Variants in EYA2 observed in about 807,000 individuals in gnomAD.
EYA2 encodes EYA transcriptional coactivator and phosphatase 2, also known as protein phosphatase EYA2.
Under a neutral mutation model 69.2 loss-of-function variants are expected in EYA2, and 31 were observed. The observed-to-expected ratio is 0.45, with a 90% CI of 0.34 to 0.60. The LOEUF is 0.60. Among genes scored for constraint, EYA2 ranks in the 20% least tolerant of loss-of-function variants. EYA2 has a pLI of 0.02. For missense variants in EYA2, 622 were observed against 701.2 expected (o/e 0.89, Z 1.28); for synonymous variants, 257 against 279.4 (o/e 0.92, Z 0.80).
chr20:47,152,564 C>A (rs1449367526), intron 10 of EYA2, among the ~76,000 whole-genome samples: 20 of 151,900 alleles, frequency 1.3e-4, no homozygotes. Context: ...GTAATCCCAG[C>A]ACTTTGGGAG....
In EYA2 at chr20:47,072,108, A is replaced by G. The variant is rs1600687127; in HGVS notation, c.416-77A>G. The G allele has an allele frequency of 3.7e-6, 5 of 1,355,538 alleles. No homozygotes were observed. The East Asian group carries it at 9.2e-5, about 25-fold the overall frequency. 84.0% of individuals were successfully genotyped at this position (1,355,538 alleles called of 1,614,324 possible). ...CTTGAAGCCACATGGAGGGAGGTTC[A>G]TGAAATGCTAACAACTGCTTTAAAG... On this transcript the variant is annotated intron_variant, in intron 5 of 15. Transcript: ENST00000327619.
rs564998142 is a variant in EYA2 at position 47,076,548 on chromosome 20, G to A, written c.661+2213G>A. On this transcript the variant is annotated intron_variant, in intron 7 of 15. Transcript: ENST00000327619. ...TGTCCTTTGCCCATTTTTTAATCGG[G>A]TTATCTTTAAGGATGTTTGTTTCTG... Among the ~76,000 whole-genome samples the A allele has an allele frequency of 2.6e-5, 4 of 152,140 alleles. No homozygotes were observed. The South Asian group carries it at 6.2e-4, about 24-fold the overall frequency.
chr20:47,124,544 C>T (rs1166468923), intron 9 of EYA2, among the ~76,000 whole-genome samples: 1 of 152,128 alleles, frequency 6.6e-6, no homozygotes, highest in African/African-American at 2.4e-5. Flanking sequence ...ACTTGCTGGG[C>T]ATCAAACCCT....
chr20:46,931,895 A>G (rs1383818643), intron 1 of EYA2, among the ~76,000 whole-genome samples: 6 of 151,588 alleles, frequency 4.0e-5, no homozygotes, highest in African/African-American at 1.2e-4. Flanking sequence ...GAATTATGGA[A>G]CTGTCTTTGC....
At chr20:47,183,864 C>G (rs2034585431) in intron 15 of EYA2, among the ~76,000 whole-genome samples, 1 of 152,166 alleles carries the variant, frequency 6.6e-6, no homozygotes, top group Non-Finnish European at 1.5e-5. Flanking sequence ...AAAGAAACAG[C>G]TGCCAAAGTC....
chr20:46,930,582 A>T (rs1409115289), intron 1 of EYA2, among the ~76,000 whole-genome samples: 1 of 152,102 alleles, frequency 6.6e-6, no homozygotes, highest in Non-Finnish European at 1.5e-5. Flanking sequence ...CCAGAAGATA[A>T]CTGGAAGAGA....
At chr20:47,149,979 G>C (rs2033791461) in intron 10 of EYA2, among the ~76,000 whole-genome samples, 1 of 152,260 alleles carries the variant, frequency 6.6e-6, no homozygotes, top group African/African-American at 2.4e-5. Flanking sequence ...GTCAATGTCA[G>C]GGTGTCCTCT....
rs937621496 is a variant in EYA2 at position 46,958,689 on chromosome 20, C to T, written c.-10-31312C>T. On this transcript the variant is annotated intron_variant, in intron 1 of 15. Transcript: ENST00000327619. ...GTTATTTTTCCTGAGCCTCTCCCAC[C>T]TCCCACCACCACCCTCCAATAGGCT... Among the ~76,000 whole-genome samples, 16 of 152,278 alleles carry T rather than the reference C, an allele frequency of 1.1e-4. No homozygotes were observed. In the East Asian group the frequency reaches 2.9e-3, roughly 28 times the overall value.
At chr20:47,120,034 CCGT>C (rs1443970500) in intron 9 of EYA2, among the ~76,000 whole-genome samples, 2 of 152,202 alleles carry the variant, frequency 1.3e-5, no homozygotes, top group African/African-American at 4.8e-5. Context: ...TGGTGAAACC[CCGT>C]CTATACTAAA....
chr20:47,063,712 C>T (rs530658656), intron 5 of EYA2, among the ~76,000 whole-genome samples: 5 of 152,162 alleles, frequency 3.3e-5, no homozygotes, highest in South Asian at 2.1e-4. Flanking sequence ...CCAGACTGGC[C>T]GTGGGCCAAG....
chr20:47,142,618 T>C (rs1280480624), intron 9 of EYA2, among the ~76,000 whole-genome samples: 1 of 152,240 alleles, frequency 6.6e-6, no homozygotes, highest in Non-Finnish European at 1.5e-5. Flanking sequence ...AGAGAGATTG[T>C]TGGAGAGAGA....
chr20:47,144,247 G>A (rs950345761), intron 10 of EYA2, among the ~76,000 whole-genome samples: 2 of 151,692 alleles, frequency 1.3e-5, no homozygotes, highest in Admixed American at 6.6e-5. Flanking sequence ...TCCCAGCTAC[G>A]CAGGAGGCTG....
rs755035881 is a variant in EYA2, at chr20:47,188,530, G to A, written c.*397G>A. 2.2e-6 allele frequency: 1 copy of A among 462,840 alleles called. No homozygotes were observed. The highest frequency in any genetic ancestry group is 3.8e-6 in the Non-Finnish European group (1 of 263,982). 28.7% of individuals were successfully genotyped at this position (462,840 alleles called of 1,614,324 possible). Reference sequence around the variant, plus strand: ...TTATGCTCTTGTACCTGTGTGGCTGGGTTTCTTAGTCGTTGGTTTGGTTTG... The same window carrying A: ...TTATGCTCTTGTACCTGTGTGGCTGAGTTTCTTAGTCGTTGGTTTGGTTTG... On this transcript the variant is annotated 3_prime_UTR_variant, in exon 16 of 16. Coordinates refer to ENST00000327619, the MANE Select transcript of EYA2 (RefSeq NM_005244.5).
At chr20:46,979,630 G>C (rs751878602) in intron 1 of EYA2, 9 of 152,106 alleles carry the variant, frequency 5.9e-5, no homozygotes, top group Non-Finnish European at 1.3e-4. Flanking sequence ...TCCAATTTCA[G>C]GTAATTGTGA....
chr20:47,168,308 C>T (rs1672600316), intron 10 of EYA2, among the ~76,000 whole-genome samples: 1 of 152,074 alleles, frequency 6.6e-6, no homozygotes, highest in African/African-American at 2.4e-5. Flanking sequence ...TCTCCTGCCT[C>T]AGCCTCCCGA....
chr20:47,186,241 C>A (rs2034637411), intron 15 of EYA2, among the ~76,000 whole-genome samples: 1 of 152,000 alleles, frequency 6.6e-6, no homozygotes, highest in South Asian at 2.1e-4. Flanking sequence ...GAAGGCCCCA[C>A]TGGGGTCTGC....
chr20:46,934,212 C>T (rs1356556552), intron 1 of EYA2, among the ~76,000 whole-genome samples: 7 of 152,188 alleles, frequency 4.6e-5, no homozygotes, highest in Non-Finnish European at 1.0e-4. Flanking sequence ...TTAATTGGCT[C>T]ATGAAACTGA....
intron 2 of EYA2, among the ~76,000 whole-genome samples, chr20:46,995,815 A>T (rs1471528368): frequency 2.0e-5 from 3 of 152,242 alleles, no homozygotes; most frequent in African/African-American, 7.2e-5. Context: ...TAAGTGGCTT[A>T]ACCAAGGGCC....
intron 7 of EYA2, among the ~76,000 whole-genome samples, chr20:47,077,149 G>GA (rs2031547342): frequency 6.6e-6 from 1 of 152,184 alleles, no homozygotes; most frequent in Admixed American, 6.5e-5. Context: ...AGACAGAAGA[G>GA]ACAATGGGTG....
Sources: allele counts gnomAD v4.1 joint callset (sites outside exome capture counted in the v4.1 genomes callset), GRCh38; gene constraint gnomAD v4.1.1; transcripts MANE v1.5; gene names NCBI Gene and HGNC (gene_info 2026-07-23, HGNC 2026-07-21).